The following GNAQ variants were observed in gnomAD, a reference collection of about 807,000 sequenced individuals.
The protein encoded by GNAQ is G protein subunit alpha q.
Under a neutral mutation model 43.9 loss-of-function variants are expected in GNAQ, and 8 were observed. The ratio of observed to expected loss-of-function variants is 0.18; its 90% CI spans 0.11 to 0.33. The LOEUF is 0.33. Ranked by LOEUF, GNAQ falls within the 10% of genes least tolerant of loss-of-function variation. The pLI is 1.00. For missense variants in GNAQ, 158 were observed against 450.8 expected (o/e 0.35, Z 5.88); for synonymous variants, 155 against 170.7 (o/e 0.91, Z 0.71).
intron 5 of GNAQ, among the ~76,000 whole-genome samples, chr9:77,740,578 G>C (rs948639194): frequency 2.0e-5 from 3 of 152,140 alleles, no homozygotes; most frequent in African/African-American, 7.2e-5. Context: ...CTGAATACAA[G>C]TCCTTTTAAA....
chr9:77,794,661 A>G (rs1275514879), intron 4 of GNAQ, 69 bp from the exon 5 acceptor site: 2 of 861,870 alleles, frequency 2.3e-6, no homozygotes, highest in African/African-American at 3.4e-5. Context: ...TAAATATAGC[A>G]CTACTTACAA....
chr9:77,725,144 G>A (rs1291415693), intron 6 of GNAQ, among the ~76,000 whole-genome samples: 2 of 151,500 alleles, frequency 1.3e-5, no homozygotes, highest in African/African-American at 4.9e-5. Context: ...TCACTGAAGT[G>A]TACTTGAAAA....
At chr9:77,793,276 C>T (rs1351447395) in intron 5 of GNAQ, among the ~76,000 whole-genome samples, 4 of 152,070 alleles carry the variant, frequency 2.6e-5, no homozygotes, top group Admixed American at 6.6e-5. Context: ...GATTGATAAA[C>T]AAGCCTCATT....
At chr9:77,826,615 T>G (rs916896627) in intron 2 of GNAQ, among the ~76,000 whole-genome samples, 1 of 152,230 alleles carries the variant, frequency 6.6e-6, no homozygotes, top group African/African-American at 2.4e-5. Context: ...CACAGTGTTA[T>G]AAGGGCCTAC....
intron 2 of GNAQ, among the ~76,000 whole-genome samples, chr9:77,892,158 G>C (rs529911289): frequency 1.3e-5 from 2 of 152,258 alleles, no homozygotes; most frequent in African/African-American, 2.4e-5. Flanking sequence ...ATCTAGCCTA[G>C]TGCATGGATT....
chr9:77,882,376 T>C (rs1035632212), intron 2 of GNAQ, among the ~76,000 whole-genome samples: 1 of 152,148 alleles, frequency 6.6e-6, no homozygotes, highest in East Asian at 1.9e-4. Flanking sequence ...AAATAAGCCA[T>C]CTGGACGGCA....
intron 2 of GNAQ, among the ~76,000 whole-genome samples, chr9:77,843,566 G>A (rs567383558): frequency 6.6e-6 from 1 of 152,162 alleles, no homozygotes; most frequent in Non-Finnish European, 1.5e-5. Context: ...CAGAAGCATG[G>A]GTGGGATGGA....
intron 2 of GNAQ, among the ~76,000 whole-genome samples, chr9:77,921,885 G>C (rs1829001638): frequency 6.6e-6 from 1 of 152,044 alleles, no homozygotes; most frequent in Admixed American, 6.6e-5. Context: ...TTTTAAACCT[G>C]AAAATATTTA....
chr9:77,875,234 C>T (rs1398505997), intron 2 of GNAQ, among the ~76,000 whole-genome samples: 2 of 152,190 alleles, frequency 1.3e-5, no homozygotes, highest in African/African-American at 4.8e-5. Flanking sequence ...AATTAAACAA[C>T]ACAATTTTTT....
intron 5 of GNAQ, among the ~76,000 whole-genome samples, chr9:77,761,030 G>A (rs1371982272): frequency 6.6e-6 from 1 of 152,114 alleles, no homozygotes; most frequent in Non-Finnish European, 1.5e-5. Flanking sequence ...CATCTGAGAA[G>A]TGAGGAGCCC....
chr9:77,723,216 A>G (rs1015529790), intron 6 of GNAQ, among the ~76,000 whole-genome samples: 51 of 152,240 alleles, frequency 3.3e-4, no homozygotes, highest in Non-Finnish European at 2.6e-4. Context: ...ACCTCTCCAC[A>G]TCTACTAGCA....
chr9:77,969,488 C>T (rs374877314), intron 1 of GNAQ, among the ~76,000 whole-genome samples: 1 of 152,058 alleles, frequency 6.6e-6, no homozygotes, highest in Admixed American at 6.6e-5. Context: ...ACAATTAAGG[C>T]CAACTTAGAA....
In GNAQ at chr9:77,853,719, T is replaced by C. The variant is rs565513304; in HGVS notation, c.322-37949A>G. ...CGTAATAGAGAACAGCGGCTACTCCTGTGTGTCCTATTATTCCAGCGGATT... is the reference window on the plus strand; with the variant it reads ...CGTAATAGAGAACAGCGGCTACTCCCGTGTGTCCTATTATTCCAGCGGATT... On this transcript the variant is annotated intron_variant, in intron 2 of 6. Coordinates refer to ENST00000286548, the MANE Select transcript of GNAQ (RefSeq NM_002072.5). Among the ~76,000 whole-genome samples the C allele has an allele frequency of 8.3e-5, 12 of 145,238 alleles. No homozygotes were observed. In the South Asian group the frequency reaches 2.6e-3, roughly 32 times the overall value.
chr9:77,905,669 T>C (rs1051221691), intron 2 of GNAQ, among the ~76,000 whole-genome samples: 2 of 152,212 alleles, frequency 1.3e-5, no homozygotes, highest in Non-Finnish European at 2.9e-5. Flanking sequence ...AGCCTTTAGC[T>C]GTCAATGCCA....
chr9:77,797,402 A>G, intron 4 of GNAQ, 118 bp downstream of exon 4: 1 of 739,950 alleles, frequency 1.4e-6, no homozygotes, highest in African/African-American at 1.8e-5. Flanking sequence ...AATGATAATA[A>G]TTGGTATAAA....
At chr9:77,976,983 A>G (rs1435227213) in intron 1 of GNAQ, among the ~76,000 whole-genome samples, 1 of 152,180 alleles carries the variant, frequency 6.6e-6, no homozygotes, top group African/African-American at 2.4e-5. Flanking sequence ...GCACTAGACT[A>G]TATTAACAGC....
At chr9:77,794,333 A>G (rs1826624586) in intron 5 of GNAQ, 130 bp downstream of exon 5, 3 of 571,258 alleles carry the variant, frequency 5.3e-6, no homozygotes, top group Admixed American at 3.6e-5. Context: ...TGGTTATTTT[A>G]AAAGTCCTAA....
intron 2 of GNAQ, among the ~76,000 whole-genome samples, chr9:77,821,732 T>TGTGTGC (rs1465799137): frequency 2.0e-5 from 3 of 146,816 alleles, no homozygotes; most frequent in Non-Finnish European, 4.4e-5. Context: ...TGGGTGTGTG[T>TGTGTGC]GTGTGTGTGT....
At chr9:77,915,137 A>T (rs867938949) in intron 2 of GNAQ, among the ~76,000 whole-genome samples, 1 of 152,220 alleles carries the variant, frequency 6.6e-6, no homozygotes, top group African/African-American at 2.4e-5. Flanking sequence ...GTACATTCCT[A>T]GCTTTATTTT....
Sources: gnomAD v4.1 joint callset for allele counts (sites outside exome capture counted in the v4.1 genomes callset) on GRCh38, gnomAD v4.1.1 for gene constraint, MANE v1.5 for transcripts, NCBI Gene and HGNC (gene_info 2026-07-23, HGNC 2026-07-21) for gene names.